The following ANKS1A variants were observed in gnomAD, a reference collection of about 807,000 sequenced individuals.
ANKS1A encodes ankyrin repeat and SAM domain-containing protein 1A.
ANKS1A carries 55 observed loss-of-function variants against 120.3 expected under a neutral mutation model. The observed-to-expected ratio is 0.46, with a 90% CI of 0.37 to 0.57. The LOEUF (loss-of-function observed/expected upper bound fraction) is 0.57. ANKS1A is among the 20% of genes least tolerant of loss of function. The pLI, the probability that ANKS1A is intolerant of heterozygous loss-of-function variation, is 0.00. For missense variants in ANKS1A, 1,123 were observed against 1,480.3 expected (o/e 0.76, Z 3.96); for synonymous variants, 590 against 604.7 (o/e 0.98, Z 0.36).
rs182461854 is a variant in ANKS1A at position 34,995,884 on chromosome 6, T to C, written c.1423+1462T>C. ...AAACATTCACTTACAGATTTTTGTG[T>C]GAACAGAAGTTTTCATATCACTTAG... On this transcript the variant is annotated intron_variant, in intron 10 of 23. Coordinates refer to ENST00000360359, the MANE Select transcript of ANKS1A (RefSeq NM_015245.3). Among the ~76,000 whole-genome samples, 18 of 152,352 alleles carry C rather than the reference T, an allele frequency of 1.2e-4. 1 individual carries two copies. In the East Asian group the frequency reaches 3.5e-3, roughly 29 times the overall value.
At chr6:34,985,739 C>G (rs1449911622) in intron 8 of ANKS1A, among the ~76,000 whole-genome samples, 1 of 152,150 alleles carries the variant, frequency 6.6e-6, no homozygotes, top group African/African-American at 2.4e-5. Flanking sequence ...TGGATTTGGG[C>G]AGGTTCTGGA....
intron 11 of ANKS1A, among the ~76,000 whole-genome samples, chr6:35,037,093 A>T (rs1775211235): frequency 6.6e-6 from 1 of 152,260 alleles, no homozygotes; most frequent in African/African-American, 2.4e-5. Flanking sequence ...ATAAAATGTA[A>T]TGCAAGTTTT....
intron 9 of ANKS1A, 101 bp downstream of exon 9, chr6:34,989,417 A>C: frequency 9.6e-7 from 1 of 1,037,588 alleles, no homozygotes; most frequent in Non-Finnish European, 1.4e-6. Context: ...TCTTCTCATC[A>C]GCTCTTTGGA....
intron 10 of ANKS1A, among the ~76,000 whole-genome samples, chr6:34,999,860 C>A (rs1352644720): frequency 2.7e-5 from 4 of 150,732 alleles, no homozygotes; most frequent in Non-Finnish European, 4.4e-5. Flanking sequence ...CAGGAAGAGA[C>A]AGAGAGACAA....
chr6:35,007,746 C>CT (rs777632155), intron 10 of ANKS1A, among the ~76,000 whole-genome samples: 1 of 152,214 alleles, frequency 6.6e-6, no homozygotes, highest in Non-Finnish European at 1.5e-5. Context: ...TACATGTGGA[C>CT]TTTCTGGCGT....
At chr6:34,923,052 G>T (rs951873086) in intron 1 of ANKS1A, among the ~76,000 whole-genome samples, 3 of 152,216 alleles carry the variant, frequency 2.0e-5, no homozygotes, top group Non-Finnish European at 4.4e-5. Context: ...CACAGCAAAA[G>T]CCAGTAGGAG....
chr6:35,048,573 C>T (rs956078297), intron 11 of ANKS1A, among the ~76,000 whole-genome samples: 3 of 152,060 alleles, frequency 2.0e-5, no homozygotes, highest in Admixed American at 1.3e-4. Flanking sequence ...TGAGGCCATG[C>T]GCAATTCAGT....
In ANKS1A at chr6:35,084,405, C is replaced by T; in HGVS notation, c.3132+147C>T. On this transcript the variant is annotated intron_variant, in intron 21 of 23. Transcript: ENST00000360359. This position sits in a 1 kb window ranked among gnomAD's most constrained non-coding sequence, Gnocchi z 4.8. ...GGTTCATGAATGGAGCCCAGCAGCACTCAGGCCGGTCCCCTTTCACAGTGA... is the reference window on the plus strand; with the variant it reads ...GGTTCATGAATGGAGCCCAGCAGCATTCAGGCCGGTCCCCTTTCACAGTGA... 2 of 1,177,572 alleles carry T rather than the reference C, an allele frequency of 1.7e-6. No homozygotes were observed. Among genetic ancestry groups the T allele is most frequent in the Non-Finnish European group, 2.3e-6 (2 of 863,242 alleles). The allele number at this position is 1,177,572 out of a possible 1,614,324, so 72.9% of individuals were successfully genotyped here.
chr6:34,929,747 T>C (rs928100656), intron 1 of ANKS1A, among the ~76,000 whole-genome samples: 1 of 151,960 alleles, frequency 6.6e-6, no homozygotes, highest in Non-Finnish European at 1.5e-5. Context: ...TCTTTCTTTC[T>C]TTCTCTTCCT....
chr6:35,088,497 G>C, intron 23 of ANKS1A, 109 bp from the exon 24 acceptor site: 2 of 1,427,172 alleles, frequency 1.4e-6, no homozygotes, highest in Non-Finnish European at 9.9e-7. Context: ...GCCCCGGGGA[G>C]GCTGTGAGGG....
intron 1 of ANKS1A, among the ~76,000 whole-genome samples, chr6:34,941,890 C>G (rs1769555656): frequency 6.6e-6 from 1 of 152,186 alleles, no homozygotes; most frequent in Non-Finnish European, 1.5e-5. Context: ...ATGTACTGTT[C>G]AGAGCCAGAG....
chr6:35,046,613 A>C (rs180891333), intron 11 of ANKS1A, among the ~76,000 whole-genome samples: 1 of 152,154 alleles, frequency 6.6e-6, no homozygotes, highest in South Asian at 2.1e-4. Flanking sequence ...TATTGCATCT[A>C]TCCATCTGTC....
intron 13 of ANKS1A, among the ~76,000 whole-genome samples, chr6:35,068,870 A>T (rs114725651): frequency 1.1e-3 from 166 of 152,086 alleles, no homozygotes; most frequent in African/African-American, 3.9e-3. Context: ...AGGAGGGTGG[A>T]GGGGGCTGCC....
At chr6:35,049,989 T>C (rs766269113) in intron 11 of ANKS1A, among the ~76,000 whole-genome samples, 24 of 152,148 alleles carry the variant, frequency 1.6e-4, no homozygotes, top group Non-Finnish European at 2.8e-4. Context: ...AAAAGCTAGT[T>C]GTCATCTGCG....
At chr6:34,954,024 A>G (rs1770219731) in intron 1 of ANKS1A, among the ~76,000 whole-genome samples, 1 of 152,238 alleles carries the variant, frequency 6.6e-6, no homozygotes, top group African/African-American at 2.4e-5. Flanking sequence ...TAGTGAAGGC[A>G]CTGGAGATAT....
At chr6:34,940,862 C>T (rs2127482940) in intron 1 of ANKS1A, among the ~76,000 whole-genome samples, 1 of 150,744 alleles carries the variant, frequency 6.6e-6, no homozygotes, top group Non-Finnish European at 1.5e-5. Flanking sequence ...GAGCTGAGAT[C>T]ATGCCATTGC....
intron 10 of ANKS1A, among the ~76,000 whole-genome samples, chr6:35,003,635 G>C (rs1773281572): frequency 6.6e-6 from 1 of 152,138 alleles, no homozygotes; most frequent in African/African-American, 2.4e-5. Flanking sequence ...CCTGCTTACT[G>C]CTCCCTTGTT....
downstream of ANKS1A, among the ~76,000 whole-genome samples, chr6:35,096,304 T>C (rs1050498364): frequency 6.6e-6 from 1 of 152,242 alleles, no homozygotes; most frequent in Non-Finnish European, 1.5e-5. Context: ...CCTGGGATGA[T>C]AAAAGACTTT....
At chr6:35,055,992 C>G (rs1776203857) in intron 12 of ANKS1A, among the ~76,000 whole-genome samples, 1 of 152,180 alleles carries the variant, frequency 6.6e-6, no homozygotes, top group East Asian at 1.9e-4. Context: ...CTGAGACAAA[C>G]ACTGTTACCA....
Sources: allele counts gnomAD v4.1 joint callset (sites outside exome capture counted in the v4.1 genomes callset), GRCh38; gene constraint gnomAD v4.1.1; non-coding constraint Gnocchi (gnomAD v3.1); transcripts MANE v1.5; gene names NCBI Gene and HGNC (gene_info 2026-07-23, HGNC 2026-07-21).